Variants in DPP6 observed in about 807,000 individuals in gnomAD.
The protein encoded by DPP6 is A-type potassium channel modulatory protein DPP6.
In DPP6, 69 loss-of-function variants were observed where a neutral mutation model predicts 122.6. That is an observed-to-expected ratio of 0.56 (90% CI 0.46 to 0.69). The LOEUF is 0.69. Ranked by LOEUF, DPP6 falls within the 30% of genes least tolerant of loss-of-function variation. The pLI is 0.00. For synonymous variants in DPP6, 418 were observed against 433.1 expected (o/e 0.97, Z 0.43); for missense variants, 928 against 1,116.9 (o/e 0.83, Z 2.41).
chr7:153,790,607 A>C, the DPP6 span, among the ~76,000 whole-genome samples: 7 of 152,316 alleles, frequency 4.6e-5, no homozygotes, highest in African/African-American at 1.7e-4. Flanking sequence ...TTTCTGTTGT[A>C]AAATGTTTCC....
At chr7:154,763,256 T>C (rs1289927932) in intron 8 of DPP6, among the ~76,000 whole-genome samples, 13 of 151,776 alleles carry the variant, frequency 8.6e-5, no homozygotes, top group Non-Finnish European at 4.4e-5. Context: ...CACTTGAACC[T>C]GGGAGGCAGA....
the DPP6 span, among the ~76,000 whole-genome samples, chr7:153,808,406 C>G: frequency 8.0e-5 from 12 of 149,620 alleles, no homozygotes; most frequent in Admixed American, 8.0e-4. Context: ...TGTGTGTGTG[C>G]CTGTATGTGT....
intron 1 of DPP6, among the ~76,000 whole-genome samples, chr7:153,955,077 C>T (rs1034423769): frequency 4.6e-5 from 7 of 152,088 alleles, no homozygotes; most frequent in South Asian, 2.1e-4. Flanking sequence ...CTTCAGACTG[C>T]GAGAATGTAG....
intron 1 of DPP6, among the ~76,000 whole-genome samples, chr7:154,078,841 C>G (rs1803766312): frequency 6.9e-6 from 1 of 144,232 alleles, no homozygotes; most frequent in Admixed American, 7.3e-5. Context: ...ATTTATAAAA[C>G]AAACCCTATT....
chr7:154,712,817 T>C (rs6976327), intron 7 of DPP6, among the ~76,000 whole-genome samples: 114,886 of 152,062 alleles, frequency 0.76, 45,474 homozygotes, highest in Non-Finnish European at 0.88. Flanking sequence ...AGCCAAACCA[T>C]ATCATTCTGC....
chr7:154,892,263 A>T lies in DPP6; in HGVS notation c.2452-71A>T, dbSNP rs150996832. ...GGGCCCAGGTTTCACTAAACTCCAC[A>T]CCTTCTGTGCGTTCCCGTCCCCTGG... On this transcript the variant is annotated intron_variant, in intron 25 of 25. Coordinates refer to ENST00000377770, the MANE Select transcript of DPP6 (RefSeq NM_130797.4). 2.7e-3 allele frequency: 4,249 copies of T among 1,602,428 alleles called. 59 individuals carry two copies. The East Asian group carries it at 0.036, about 14-fold the overall frequency.
intron 1 of DPP6, among the ~76,000 whole-genome samples, chr7:154,280,531 C>G (rs1030777099): frequency 1.6e-4 from 25 of 152,144 alleles, no homozygotes; most frequent in Non-Finnish European, 3.2e-4. Context: ...ACATATCCAG[C>G]GCAGAGCTTG....
chr7:154,666,293 T>C (rs577141202), intron 6 of DPP6, among the ~76,000 whole-genome samples: 1 of 150,636 alleles, frequency 6.6e-6, no homozygotes, highest in East Asian at 2.0e-4. Context: ...CATATCTGTT[T>C]ATAGAGTTAT....
chr7:154,174,133 T>C (rs979005971), intron 1 of DPP6, among the ~76,000 whole-genome samples: 1 of 152,244 alleles, frequency 6.6e-6, no homozygotes, highest in African/African-American at 2.4e-5. Context: ...GAGTTGGTTA[T>C]GACCGGGGGA....
At chr7:154,744,865 G>T (rs1271453201) in intron 8 of DPP6, among the ~76,000 whole-genome samples, 2 of 152,168 alleles carry the variant, frequency 1.3e-5, no homozygotes, top group Non-Finnish European at 2.9e-5. Context: ...GGTCCAGGGA[G>T]CCCAGGGAGC....
chr7:153,973,186 CTCG>C, intron 1 of DPP6, among the ~76,000 whole-genome samples: 1 of 151,098 alleles, frequency 6.6e-6, no homozygotes, highest in Non-Finnish European at 1.5e-5. Context: ...TTTCTGCTTT[CTCG>C]TTGTTGGTAT....
At chr7:154,518,842 T>A (rs1253523792) in intron 3 of DPP6, among the ~76,000 whole-genome samples, 1 of 151,784 alleles carries the variant, frequency 6.6e-6, no homozygotes. Context: ...AATATCCCCA[T>A]TTTTTTTCAG....
At chr7:154,710,920 C>T (rs7786890) in intron 7 of DPP6, among the ~76,000 whole-genome samples, 13,358 of 152,250 alleles carry the variant, frequency 0.088, 629 homozygotes, top group South Asian at 0.15. Flanking sequence ...TTCTGTGCTT[C>T]GCCCTATAAA....
chr7:154,719,250 C>T (rs983898951), intron 7 of DPP6, among the ~76,000 whole-genome samples: 8 of 152,042 alleles, frequency 5.3e-5, no homozygotes, highest in African/African-American at 2.4e-5. Context: ...TGGTTACATC[C>T]CAGCCTCTCC....
At chr7:154,015,280 C>T (rs1304959624) in intron 1 of DPP6, among the ~76,000 whole-genome samples, 8 of 152,078 alleles carry the variant, frequency 5.3e-5, no homozygotes, top group African/African-American at 1.2e-4. Flanking sequence ...TGTCCTCGAC[C>T]GGTTCTGTCT....
At chr7:154,539,341 T>C (rs1828521654) in intron 3 of DPP6, among the ~76,000 whole-genome samples, 1 of 152,200 alleles carries the variant, frequency 6.6e-6, no homozygotes, top group Admixed American at 6.5e-5. Context: ...TTAATGACTT[T>C]AAGAGTCTAC....
At chr7:154,824,588 A>G (rs1465601243) in intron 16 of DPP6, among the ~76,000 whole-genome samples, 1 of 152,218 alleles carries the variant, frequency 6.6e-6, no homozygotes, top group African/African-American at 2.4e-5. Flanking sequence ...CAGGAATGTT[A>G]TCTTAATGCT....
At chr7:153,822,665 T>C in the DPP6 span, among the ~76,000 whole-genome samples, 2 of 152,198 alleles carry the variant, frequency 1.3e-5, no homozygotes, top group African/African-American at 4.8e-5. Context: ...AAAATCAGCA[T>C]ATAAATACCT....
At chr7:154,656,655 G>A (rs75477417) in intron 6 of DPP6, among the ~76,000 whole-genome samples, 3,593 of 152,248 alleles carry the variant, frequency 0.024, 138 homozygotes, top group East Asian at 0.18. Flanking sequence ...TCACTGGATT[G>A]GACCAAGACC....
Sources: gnomAD v4.1 joint callset for allele counts (sites outside exome capture counted in the v4.1 genomes callset) on GRCh38, gnomAD v4.1.1 for gene constraint, MANE v1.5 for transcripts, NCBI Gene and HGNC (gene_info 2026-07-23, HGNC 2026-07-21) for gene names.